The following TRAPPC12 variants were observed in gnomAD, a reference collection of about 807,000 sequenced individuals.
The protein encoded by TRAPPC12 is trafficking protein particle complex subunit 12.
Under a neutral mutation model 69.2 loss-of-function variants are expected in TRAPPC12, and 61 were observed. That is an observed-to-expected ratio of 0.88 (90% confidence interval 0.72 to 1.09). The LOEUF (loss-of-function observed/expected upper bound fraction) is 1.09. Among genes scored for constraint, TRAPPC12 ranks in the 50% least tolerant of loss-of-function variants. The pLI, the probability that TRAPPC12 is intolerant of heterozygous loss-of-function variation, is 0.00. For synonymous variants in TRAPPC12, 469 were observed against 438.9 expected, an observed-to-expected ratio of 1.07 and a Z score of -0.86; for missense variants, 1,101 against 1,016.4, an observed-to-expected ratio of 1.08 and a Z score of -1.13.
intron 3 of TRAPPC12, among the ~76,000 whole-genome samples, chr2:3,402,178 A>G (rs1661479751): frequency 6.6e-6 from 1 of 152,202 alleles, no homozygotes; most frequent in African/African-American, 2.4e-5. Flanking sequence ...ATAGAGATAA[A>G]TGATTTGTGT....
rs376034547 is a variant in TRAPPC12, at chr2:3,465,647, A to C, written c.1728A>C (p.Pro576=). ...EAYHSVIKYY[P]EQEPQLLSGI... Reference sequence around the variant, plus strand: ...ATCATTCGGTTATCAAGTATTACCCAGAGCAAGAGCCCCAGCTGCTCAGCG... The same window carrying C: ...ATCATTCGGTTATCAAGTATTACCCCGAGCAAGAGCCCCAGCTGCTCAGCG... Residue 576 remains proline, a synonymous_variant, in exon 9 of 12, where the codon CCA becomes CCC. Transcript: ENST00000324266. 2.2e-5 allele frequency: 36 copies of C among 1,614,120 alleles called. No homozygotes were observed. The highest frequency in any genetic ancestry group is 3.0e-5 in the Non-Finnish European group (35 of 1,180,046).
In TRAPPC12 at chr2:3,421,863, T is replaced by C. The variant is rs774672297; in HGVS notation, c.1165-18T>C. The C allele has an allele frequency of 1.2e-6, 2 of 1,609,518 alleles. No homozygotes were observed. The highest frequency in any genetic ancestry group is 3.3e-5 in the Admixed American group (2 of 60,002). Reference sequence around the variant, plus strand: ...CCTTGCATGTGTGTTTGGTCACATGTTCTGCCGTGTCTTGCAGAGCTGCAG... The same window carrying C: ...CCTTGCATGTGTGTTTGGTCACATGCTCTGCCGTGTCTTGCAGAGCTGCAG... On this transcript the variant is annotated intron_variant, in intron 3 of 11. Coordinates refer to ENST00000324266, the MANE Select transcript of TRAPPC12 (RefSeq NM_016030.6).
Position 3,440,015 on chromosome 2 carries a change from T to A in TRAPPC12, c.1418-3764T>A, listed in dbSNP as rs544539568. 5.3e-5 allele frequency among the ~76,000 whole-genome samples: 8 copies of A among 152,314 alleles called. No homozygotes were observed. The South Asian group carries it at 1.7e-3, about 32-fold the overall frequency. ...CTGACTATATTTGTGAGGACCAATT[T>A]CTTGTCTTTCTGCTCTGGGCCACTG... On this transcript the variant is annotated intron_variant, in intron 5 of 11. Coordinates refer to ENST00000324266, the MANE Select transcript of TRAPPC12 (RefSeq NM_016030.6).
rs764983027 is a variant in TRAPPC12, at chr2:3,387,668, C to A, written c.45C>A (p.Ala15=). The A allele has an allele frequency of 2.6e-6, 4 of 1,553,114 alleles. No homozygotes were observed. Among genetic ancestry groups the A allele is most frequent in the Non-Finnish European group, 3.5e-6 (4 of 1,148,100 alleles). ...GCGAGGAGACCCCGGCCCCGGAGGC[C>A]CCGCACCCCCCTCAGCTCGCGCCTC... ...GGGEETPAPE[A]PHPPQLAPPE... is the part of the protein sequence containing the mutation. Residue 15 remains alanine, a synonymous_variant, in exon 2 of 12, where the codon GCC becomes GCA. Transcript: ENST00000324266.
chr2:3,429,481 ATC>A (rs1455629149), intron 5 of TRAPPC12, among the ~76,000 whole-genome samples: 5 of 152,244 alleles, frequency 3.3e-5, no homozygotes, highest in African/African-American at 1.2e-4. Context: ...AGATAAGTAT[ATC>A]TTAAATTTGC....
At chr2:3,435,695 A>G (rs116701476) in intron 5 of TRAPPC12, among the ~76,000 whole-genome samples, 3,166 of 152,328 alleles carry the variant, frequency 0.021, 141 homozygotes, top group African/African-American at 0.072. Flanking sequence ...ACAGAAGTTC[A>G]GGCAGAATTT....
intron 1 of TRAPPC12, among the ~76,000 whole-genome samples, chr2:3,381,278 T>A (rs1374168844): frequency 6.6e-6 from 1 of 152,210 alleles, no homozygotes; most frequent in East Asian, 1.9e-4. Flanking sequence ...CGTGCCCTTA[T>A]GGAAGGAAAT....
At position 3,442,267 on chromosome 2, in the gene TRAPPC12, A is replaced by G. The variant is rs564900779; in HGVS notation, c.1418-1512A>G. On this transcript the variant is annotated intron_variant, in intron 5 of 11. Coordinates refer to ENST00000324266, the MANE Select transcript of TRAPPC12 (RefSeq NM_016030.6). The stretch of plus-strand genomic sequence containing the variant: ...AGGTTTGTTTCTGTGCTTATCTTAT[A>G]GAGCTTGAAGGGTTCTTGAGATATT... 2.0e-5 allele frequency among the ~76,000 whole-genome samples: 3 copies of G among 152,342 alleles called. No homozygotes were observed. In the East Asian group the frequency reaches 5.8e-4, roughly 29 times the overall value.
At chr2:3,466,914 G>T (rs1487714226) in intron 9 of TRAPPC12, among the ~76,000 whole-genome samples, 1 of 152,162 alleles carries the variant, frequency 6.6e-6, no homozygotes, top group Non-Finnish European at 1.5e-5. Context: ...TTATCCCCTG[G>T]TTATCATAGT....
chr2:3,381,228 T>C (rs1013816503), intron 1 of TRAPPC12, among the ~76,000 whole-genome samples: 1 of 152,186 alleles, frequency 6.6e-6, no homozygotes, highest in African/African-American at 2.4e-5. Flanking sequence ...CATGGAGACT[T>C]CTGTTAATAC....
chr2:3,478,604 A>C, intron 10 of TRAPPC12: 1 of 434,860 alleles, frequency 2.3e-6, no homozygotes, highest in Admixed American at 3.7e-5. Context: ...ACTGCACTAC[A>C]GCCTGGGCAA....
intron 6 of TRAPPC12, chr2:3,456,932 G>A (rs776627672): frequency 4.0e-5 from 14 of 352,714 alleles, no homozygotes; most frequent in African/African-American, 6.6e-5. Flanking sequence ...TATTCCCCAT[G>A]TATGATGTCT....
At chr2:3,458,335 A>G in intron 7 of TRAPPC12, 1 of 985,496 alleles carries the variant, frequency 1.0e-6, no homozygotes, top group Non-Finnish European at 1.2e-6. Context: ...CCCTAGCCTC[A>G]CTCCCTCACT....
chr2:3,471,768 T>G (rs1221190556), intron 9 of TRAPPC12, among the ~76,000 whole-genome samples: 1 of 152,218 alleles, frequency 6.6e-6, no homozygotes, highest in Non-Finnish European at 1.5e-5. Flanking sequence ...CAGAATCTCT[T>G]GACTTGGGTC....
At chr2:3,394,625 TAAA>T (rs77663033) in intron 2 of TRAPPC12, among the ~76,000 whole-genome samples, 1 of 141,430 alleles carries the variant, frequency 7.1e-6, no homozygotes, top group African/African-American at 2.6e-5. Context: ...TGTCTGAGGT[TAAA>T]AAAAAAAAGG....
intron 11 of TRAPPC12, 23 bp from the exon 12 acceptor site, chr2:3,479,196 C>T (rs765835240): frequency 1.2e-6 from 2 of 1,606,858 alleles, no homozygotes; most frequent in Admixed American, 1.7e-5. Flanking sequence ...GTGGGCCAAC[C>T]CTGGGCGTGT....
At chr2:3,382,284 G>A (rs747144849) in intron 1 of TRAPPC12, among the ~76,000 whole-genome samples, 9 of 151,844 alleles carry the variant, frequency 5.9e-5, no homozygotes, top group Admixed American at 2.0e-4. Context: ...ACAGGCGCCC[G>A]CCACCATGCC....
At chr2:3,382,718 A>G (rs1269239390) in intron 1 of TRAPPC12, among the ~76,000 whole-genome samples, 1 of 152,184 alleles carries the variant, frequency 6.6e-6, no homozygotes, top group East Asian at 1.9e-4. Flanking sequence ...TGAGCTCAGA[A>G]GTTTGAGACC....
chr2:3,427,656 G>C (rs764735474), intron 5 of TRAPPC12, among the ~76,000 whole-genome samples: 3 of 152,216 alleles, frequency 2.0e-5, no homozygotes, highest in Non-Finnish European at 4.4e-5. Context: ...GGGAGGCCGT[G>C]AAGATCTCAA....
Sources: allele counts gnomAD v4.1 joint callset (sites outside exome capture counted in the v4.1 genomes callset), GRCh38; gene constraint gnomAD v4.1.1; transcripts MANE v1.5; gene names NCBI Gene and HGNC (gene_info 2026-07-23, HGNC 2026-07-21).